The following CDH13 variants were observed in gnomAD, a reference collection of about 807,000 sequenced individuals.
CDH13 encodes the protein cadherin 13, also known as cadherin-13.
CDH13 carries 24 observed loss-of-function variants against 63.8 expected under a neutral mutation model. The observed-to-expected ratio is 0.38, with a 90% CI of 0.27 to 0.53. The LOEUF (loss-of-function observed/expected upper bound fraction) is 0.53, where lower values mean the gene tolerates loss of function less well. CDH13 is among the 20% of genes least tolerant of loss of function. The probability of loss-of-function intolerance (pLI) is 0.85; values close to 1 mark genes in which losing one functional copy is unlikely to be tolerated. For missense variants in CDH13, 1,049 were observed against 903.1 expected (o/e 1.16, Z -2.07); for synonymous variants, 503 against 355.3 (o/e 1.42, Z -4.67).
chr16:83,304,847 C>T (rs1180458380), intron 5 of CDH13, among the ~76,000 whole-genome samples: 1 of 152,100 alleles, frequency 6.6e-6, no homozygotes, highest in African/African-American at 2.4e-5. Context: ...TCCCTCTCTC[C>T]CCCACCTTTC....
At chr16:83,013,600 A>G (rs1211561323) in intron 2 of CDH13, among the ~76,000 whole-genome samples, 1 of 152,172 alleles carries the variant, frequency 6.6e-6, no homozygotes, top group Non-Finnish European at 1.5e-5. Context: ...TGTCCATCTC[A>G]CCACAGAAAA....
intron 4 of CDH13, among the ~76,000 whole-genome samples, chr16:83,146,948 T>C (rs74687736): frequency 0.046 from 6,957 of 152,096 alleles, 366 homozygotes; most frequent in African/African-American, 0.11. Context: ...ATTAGCCTGG[T>C]GTGGTGGCAC....
At chr16:82,669,472 A>T (rs1912983268) in intron 1 of CDH13, among the ~76,000 whole-genome samples, 1 of 152,238 alleles carries the variant, frequency 6.6e-6, no homozygotes, top group Admixed American at 6.5e-5. Flanking sequence ...GACACATTCT[A>T]GTACGGACTT....
chr16:82,816,085 G>A (rs549581798), intron 1 of CDH13, among the ~76,000 whole-genome samples: 26 of 152,196 alleles, frequency 1.7e-4, no homozygotes, highest in African/African-American at 4.6e-4. Context: ...AAGGGTGTAC[G>A]GAGGATGAGC....
chr16:82,884,138 T>C (rs990317339), intron 2 of CDH13: 1 of 454,418 alleles, frequency 2.2e-6, no homozygotes, highest in African/African-American at 2.0e-5. Flanking sequence ...CATGTCTGCA[T>C]GCACGCTGTT....
At chr16:83,722,142 G>C (rs775334400) in intron 10 of CDH13, among the ~76,000 whole-genome samples, 14 of 152,220 alleles carry the variant, frequency 9.2e-5, no homozygotes, top group Middle Eastern at 3.4e-3. Context: ...CATGAAAGGT[G>C]CCCACAGTAT....
At chr16:83,445,713 T>C (rs1245115789) in intron 6 of CDH13, among the ~76,000 whole-genome samples, 2 of 152,234 alleles carry the variant, frequency 1.3e-5, no homozygotes, top group Non-Finnish European at 2.9e-5. Flanking sequence ...TAAGTAAAAC[T>C]GGAATAGCTG....
chr16:82,661,897 A>G (rs751190521), intron 1 of CDH13, among the ~76,000 whole-genome samples: 3 of 152,246 alleles, frequency 2.0e-5, no homozygotes, highest in Non-Finnish European at 4.4e-5. Flanking sequence ...TGTCTAATAT[A>G]GTAGCCACTA....
At chr16:82,960,201 G>A (rs1426619996) in intron 2 of CDH13, among the ~76,000 whole-genome samples, 1 of 152,164 alleles carries the variant, frequency 6.6e-6, no homozygotes, top group Non-Finnish European at 1.5e-5. Context: ...GCATGGGTGG[G>A]TGTGGCTGAG....
At chr16:83,739,972 A>G (rs3826123) in intron 10 of CDH13, 34,089 of 152,124 alleles carry the variant, frequency 0.22, 4,191 homozygotes, top group East Asian at 0.55. Flanking sequence ...GAGACCATCC[A>G]GAGTGGCTTC....
intron 1 of CDH13, chr16:82,637,882 A>G (rs577994984): frequency 6.6e-6 from 1 of 152,330 alleles, no homozygotes; most frequent in Non-Finnish European, 1.5e-5. Flanking sequence ...CTCAGCGAGT[A>G]TTTATTGAGC....
intron 1 of CDH13, among the ~76,000 whole-genome samples, chr16:82,821,890 T>C (rs148190916): frequency 1.3e-5 from 2 of 152,308 alleles, no homozygotes; most frequent in Non-Finnish European, 2.9e-5. Context: ...CCTTGGACCA[T>C]CTATGCTTCC....
chr16:83,786,051 C>T (rs894409365), intron 13 of CDH13, among the ~76,000 whole-genome samples: 10 of 152,180 alleles, frequency 6.6e-5, no homozygotes, highest in African/African-American at 2.2e-4. Flanking sequence ...GAAAACCTGG[C>T]ACCATCCCTC....
At chr16:83,472,960 GGA>G in intron 6 of CDH13, among the ~76,000 whole-genome samples, 1 of 152,220 alleles carries the variant, frequency 6.6e-6, no homozygotes, top group Non-Finnish European at 1.5e-5. Flanking sequence ...CATCCACGGT[GGA>G]GAGAAATGAA....
At chr16:82,967,957 T>C (rs935712200) in intron 2 of CDH13, among the ~76,000 whole-genome samples, 1 of 152,214 alleles carries the variant, frequency 6.6e-6, no homozygotes, top group South Asian at 2.1e-4. Context: ...CTAGGCTTCT[T>C]TGATAATTTT....
chr16:82,769,855 C>G (rs1194319683), intron 1 of CDH13, among the ~76,000 whole-genome samples: 2 of 152,162 alleles, frequency 1.3e-5, no homozygotes, highest in African/African-American at 4.8e-5. Context: ...TGGACTTAAA[C>G]CTACGAAATG....
intron 4 of CDH13, among the ~76,000 whole-genome samples, chr16:83,191,458 A>T (rs1597490577): frequency 1.2e-5 from 1 of 80,582 alleles, no homozygotes; most frequent in Non-Finnish European, 2.5e-5. Flanking sequence ...ACTAATAGGA[A>T]ATATATATAT....
chr16:83,055,304 G>A (rs1235056378), intron 3 of CDH13, among the ~76,000 whole-genome samples: 1 of 151,770 alleles, frequency 6.6e-6, no homozygotes, highest in Non-Finnish European at 1.5e-5. Flanking sequence ...AAGTAGACAT[G>A]CAAGAGGATA....
At chr16:83,793,634 T>G (rs923673377) in intron 13 of CDH13, among the ~76,000 whole-genome samples, 3 of 152,114 alleles carry the variant, frequency 2.0e-5, no homozygotes, top group Non-Finnish European at 4.4e-5. Flanking sequence ...TCCTAATCCC[T>G]GGAACCTGTA....
Sources: gnomAD v4.1 joint callset for allele counts (sites outside exome capture counted in the v4.1 genomes callset) on GRCh38, gnomAD v4.1.1 for gene constraint, MANE v1.5 for transcripts, NCBI Gene and HGNC (gene_info 2026-07-23, HGNC 2026-07-21) for gene names.